The following PPM1H variants were observed in gnomAD, a reference collection of about 807,000 sequenced individuals.
The protein encoded by PPM1H is protein phosphatase, Mg2+/Mn2+ dependent 1H.
PPM1H carries 27 observed loss-of-function variants against 54.9 expected under a neutral mutation model. That is an observed-to-expected ratio of 0.49 (90% CI 0.36 to 0.68). The LOEUF is 0.68. Ranked by LOEUF, PPM1H falls within the 30% of genes least tolerant of loss-of-function variation. The pLI is 0.00. For missense variants in PPM1H, 596 were observed against 667.8 expected (o/e 0.89, Z 1.19); for synonymous variants, 305 against 270.8 (o/e 1.13, Z -1.24).
chr12:62,760,131 G>T (rs942678528), intron 4 of PPM1H, among the ~76,000 whole-genome samples: 8 of 152,114 alleles, frequency 5.3e-5, no homozygotes, highest in Non-Finnish European at 8.8e-5. Context: ...GTACAAACTC[G>T]ACAATGGTTC....
intron 9 of PPM1H, among the ~76,000 whole-genome samples, chr12:62,656,111 C>G (rs925412401): frequency 2.6e-5 from 4 of 152,224 alleles, no homozygotes; most frequent in African/African-American, 9.6e-5. Flanking sequence ...GGCCATAAAT[C>G]CTCGATTGTC....
intron 1 of PPM1H, among the ~76,000 whole-genome samples, chr12:62,916,167 C>A (rs560898820): frequency 1.1e-3 from 165 of 152,304 alleles, no homozygotes; most frequent in South Asian, 0.01. Flanking sequence ...ACCTTCAGAG[C>A]CTTCCTTACA....
chr12:62,648,416 C>A lies in PPM1H; in HGVS notation c.*73G>T, dbSNP rs2075798348. 1 of 1,560,388 alleles carries A rather than the reference C, an allele frequency of 6.4e-7. No homozygotes were observed. The highest frequency in any genetic ancestry group is 8.7e-7 in the Non-Finnish European group (1 of 1,143,504). ...CATCACTTGGAACTCAGCTGGGGCA[C>A]TTCCCAGTTCCGTCCTGCCAAGAGG... On this transcript the variant is annotated 3_prime_UTR_variant, in exon 10 of 10. Coordinates refer to ENST00000228705, the MANE Select transcript of PPM1H (RefSeq NM_020700.2).
At chr12:62,816,199 A>G (rs1241656082) in intron 2 of PPM1H, among the ~76,000 whole-genome samples, 1 of 97,090 alleles carries the variant, frequency 1.0e-5, no homozygotes, top group Non-Finnish European at 2.3e-5. Flanking sequence ...CACTGAGGCC[A>G]GACTGCCTGG....
At chr12:62,755,293 A>C in intron 4 of PPM1H, 3 of 1,032,434 alleles carry the variant, frequency 2.9e-6, no homozygotes, top group Non-Finnish European at 4.5e-6. Context: ...GGCGGTTTTT[A>C]ACTCTGGTAA....
In PPM1H at chr12:62,839,676, A is replaced by T. The variant is rs990643185; in HGVS notation, c.246-7397T>A. On this transcript the variant is annotated intron_variant, in intron 1 of 9. Coordinates refer to ENST00000228705, the MANE Select transcript of PPM1H (RefSeq NM_020700.2). ...ATGAGTAAATCCAAAAAAAAAAAAA[A>T]AGTCAAGATGGCAAGGAGATGGTTT... Among the ~76,000 whole-genome samples, 9 of 149,772 alleles carry T rather than the reference A, an allele frequency of 6.0e-5. No individual in the cohort carries two copies. In the South Asian group the frequency reaches 1.9e-3, roughly 31 times the overall value.
At chr12:62,696,364 T>C (rs1045696044) in intron 6 of PPM1H, among the ~76,000 whole-genome samples, 1 of 152,116 alleles carries the variant, frequency 6.6e-6, no homozygotes, top group Non-Finnish European at 1.5e-5. Context: ...ATAGAAACAA[T>C]GGTGGAAAAG....
chr12:62,830,013 C>T (rs1305757270), intron 2 of PPM1H, among the ~76,000 whole-genome samples: 2 of 152,138 alleles, frequency 1.3e-5, no homozygotes, highest in Admixed American at 6.5e-5. Context: ...ACAATCCTGT[C>T]GAGTAGGTAT....
chr12:62,800,015 A>T (rs939008752), intron 3 of PPM1H, among the ~76,000 whole-genome samples: 1 of 152,174 alleles, frequency 6.6e-6, no homozygotes, highest in Non-Finnish European at 1.5e-5. Flanking sequence ...AGCAAGGTGC[A>T]TTTTAAACCA....
rs2076738258 is a variant in PPM1H, at chr12:62,797,016, T to A, written c.756+4800A>T. Among the ~76,000 whole-genome samples the A allele has an allele frequency of 2.6e-5, 4 of 152,180 alleles. No homozygotes were observed. The South Asian group carries it at 8.3e-4, about 32-fold the overall frequency. ...AAAGATACTTATCACTTTGAAGATT[T>A]CAAGGATTTTAGGAGTTGTATGTCA... On this transcript the variant is annotated intron_variant, in intron 3 of 9. Coordinates refer to ENST00000228705, the MANE Select transcript of PPM1H (RefSeq NM_020700.2).
intron 1 of PPM1H, among the ~76,000 whole-genome samples, chr12:62,924,628 A>G (rs1417755820): frequency 1.3e-5 from 2 of 152,256 alleles, no homozygotes; most frequent in Non-Finnish European, 2.9e-5. Context: ...AATTTTATGT[A>G]GAATATTGTG....
chr12:62,800,899 G>A (rs546936637), intron 3 of PPM1H, among the ~76,000 whole-genome samples: 107 of 152,306 alleles, frequency 7.0e-4, no homozygotes, highest in African/African-American at 2.4e-3. Flanking sequence ...GCACTCTCCC[G>A]AGGACATGCT....
At chr12:62,841,140 G>A (rs1369231337) in intron 1 of PPM1H, among the ~76,000 whole-genome samples, 1 of 152,126 alleles carries the variant, frequency 6.6e-6, no homozygotes, top group East Asian at 1.9e-4. Context: ...AACAAGTCTT[G>A]GTGGTGGGGA....
intron 1 of PPM1H, among the ~76,000 whole-genome samples, chr12:62,851,952 G>A (rs1176099122): frequency 1.3e-5 from 2 of 151,912 alleles, no homozygotes; most frequent in East Asian, 3.9e-4. Context: ...GCTTTTGGAT[G>A]GCCGGGCGCG....
intron 1 of PPM1H, among the ~76,000 whole-genome samples, chr12:62,889,733 A>G (rs1461391958): frequency 6.6e-6 from 1 of 152,200 alleles, no homozygotes; most frequent in East Asian, 1.9e-4. Flanking sequence ...ATGCAAAAAA[A>G]TGACTCTAGA....
Position 62,648,426 on chromosome 12 carries a change from C to T in PPM1H, c.*63G>A. On this transcript the variant is annotated 3_prime_UTR_variant, in exon 10 of 10. Transcript: ENST00000228705. ...AACTCAGCTGGGGCACTTCCCAGTT[C>T]CGTCCTGCCAAGAGGCATCCCAGCT... The T allele has an allele frequency of 6.3e-7, 1 of 1,584,652 alleles. No individual in the cohort carries two copies. Among genetic ancestry groups the T allele is most frequent in the Non-Finnish European group, 8.6e-7 (1 of 1,160,700 alleles).
intron 8 of PPM1H, among the ~76,000 whole-genome samples, chr12:62,674,902 C>T (rs1383137460): frequency 6.6e-6 from 1 of 152,140 alleles, no homozygotes; most frequent in African/African-American, 2.4e-5. Flanking sequence ...TCTCCAATCT[C>T]CCCTGTCTCT....
At chr12:62,779,068 T>C (rs964446939) in intron 4 of PPM1H, among the ~76,000 whole-genome samples, 1 of 152,082 alleles carries the variant, frequency 6.6e-6, no homozygotes, top group African/African-American at 2.4e-5. Context: ...GATGAGGTCT[T>C]GCTCTGTCAC....
At chr12:62,869,320 C>T (rs1236938153) in intron 1 of PPM1H, among the ~76,000 whole-genome samples, 1 of 152,082 alleles carries the variant, frequency 6.6e-6, no homozygotes, top group East Asian at 1.9e-4. Flanking sequence ...ATATTTGACA[C>T]TTCATTCATT....
Sources: allele counts gnomAD v4.1 joint callset (sites outside exome capture counted in the v4.1 genomes callset), GRCh38; gene constraint gnomAD v4.1.1; transcripts MANE v1.5; gene names NCBI Gene and HGNC (gene_info 2026-07-23, HGNC 2026-07-21).